The following ADAM8 variants were observed in gnomAD, a reference collection of about 807,000 sequenced individuals.
ADAM8 encodes disintegrin and metalloproteinase domain-containing protein 8.
A neutral mutation model predicts 102.4 loss-of-function variants in ADAM8; 104 were observed. That is an observed-to-expected ratio of 1.02 (90% CI 0.87 to 1.20). ADAM8 has a LOEUF of 1.20. Ranked by LOEUF, ADAM8 falls within the 50% of genes most tolerant of loss-of-function variation. ADAM8 has a pLI of 0.00. For synonymous variants in ADAM8, 517 were observed against 485.2 expected, an observed-to-expected ratio of 1.07 and a Z score of -0.86; for missense variants, 1,132 against 1,159.0, an observed-to-expected ratio of 0.98 and a Z score of 0.34.
Position 133,274,193 on chromosome 10 carries a change from C to T in ADAM8, c.193G>A (p.Gly65Arg). 1 of 1,588,558 alleles carries T rather than the reference C, an allele frequency of 6.3e-7. No homozygotes were observed. Among genetic ancestry groups the T allele is most frequent in the Non-Finnish European group, 8.6e-7 (1 of 1,166,968 alleles). ...CGCAGGTGGAGGGTGAAGTTGTGCCCTGTGGCCCCAAGGACGTAGCTCACC... is the reference window on the plus strand; with the variant it reads ...CGCAGGTGGAGGGTGAAGTTGTGCCTTGTGGCCCCAAGGACGTAGCTCACC... ...ERVSYVLGAT[G>R]HNFTLHLRKN... The change falls in exon 3 of 23, where the codon GGG (glycine) becomes AGG (arginine). Residue 65 changes from glycine to arginine, a missense_variant. By Grantham distance (125) the Gly-to-Arg change is moderately radical. Coordinates refer to ENST00000445355, the MANE Select transcript of ADAM8 (RefSeq NM_001109.5).
chr10:133,270,558 G>A, intron 15 of ADAM8, 48 bp from the exon 16 acceptor site: 3 of 1,562,940 alleles, frequency 1.9e-6, no homozygotes, highest in Non-Finnish European at 2.6e-6. Flanking sequence ...GGAGCATGCT[G>A]GGGAGCCCAG....
At chr10:133,269,151 C>T in intron 18 of ADAM8, 1 of 985,428 alleles carries the variant, frequency 1.0e-6, no homozygotes, top group Non-Finnish European at 1.2e-6. Context: ...GCTGGGTGGC[C>T]TCAGGGCCCC....
In ADAM8 at chr10:133,271,793, C is replaced by T; in HGVS notation, c.1106+13G>A. On this transcript the variant is annotated intron_variant, in intron 11 of 22. Coordinates refer to ENST00000445355, the MANE Select transcript of ADAM8 (RefSeq NM_001109.5). ...CCAGCATACCCTGGCTCTGCAGGGC[C>T]TGGCCGCCTCACCCAATGCTGCCCG... 6.2e-7 allele frequency: 1 copy of T among 1,605,556 alleles called. No homozygotes were observed.
Position 133,268,749 on chromosome 10 carries a change from T to A in ADAM8, c.2062A>T (p.Arg688Trp). The change falls in exon 19 of 23, where the codon AGG becomes TGG. Residue 688 changes from arginine to tryptophan, a missense_variant and splice_region_variant. Arg to Trp is a moderately radical substitution (Grantham distance 101, BLOSUM62 -3). Coordinates refer to ENST00000445355, the MANE Select transcript of ADAM8 (RefSeq NM_001109.5). ...CGTCACAGCCCCCACCACCCTCACC[T>A]GCTCAGGATGCGGCTCCGGGCTTTG... is the stretch of plus-strand genomic sequence containing the variant. ...YRKARSRILS[R>W]NVAPKTTMGR... The A allele has an allele frequency of 6.2e-7, 1 of 1,609,462 alleles. No individual in the cohort carries two copies. Among genetic ancestry groups the A allele is most frequent in the Non-Finnish European group, 8.5e-7 (1 of 1,179,512 alleles).
chr10:133,270,546 T>C (rs765640044), intron 15 of ADAM8, 36 bp from the exon 16 acceptor site: 12 of 1,569,562 alleles, frequency 7.6e-6, no homozygotes, highest in Non-Finnish European at 1.0e-5. Context: ...CCAGCTTGCC[T>C]GGGAGCATGC....
chr10:133,269,533 C>A lies in ADAM8; in HGVS notation c.1864-4G>T. 2 of 1,591,908 alleles carry A rather than the reference C, an allele frequency of 1.3e-6. No homozygotes were observed. The highest frequency in any genetic ancestry group is 1.7e-6 in the Non-Finnish European group (2 of 1,175,128). On this transcript the variant is annotated splice_region_variant and splice_polypyrimidine_tract_variant and intron_variant, in intron 17 of 22. Coordinates refer to ENST00000445355, the MANE Select transcript of ADAM8 (RefSeq NM_001109.5). ...ACTCCTGCTTGTGGTTGCACACCTG[C>A]GGGGACGGCTGGGCTCAGGGCCAAC... is the stretch of plus-strand genomic sequence containing the variant.
rs147537421 is a variant in ADAM8 at position 133,272,829 on chromosome 10, C to T, written c.674G>A (p.Arg225Gln). 23 of 1,611,302 alleles carry T rather than the reference C, an allele frequency of 1.4e-5. No homozygotes were observed. Among genetic ancestry groups the T allele is most frequent in the East Asian group, 4.5e-5 (2 of 44,834 alleles). Residue 225 changes from arginine to glutamine, a missense_variant, in exon 8 of 23, where the codon CGG (arginine) becomes CAG (glutamine). By Grantham distance (43) the Arg-to-Gln change is conservative (BLOSUM62 1). Transcript: ENST00000445355. ...MLGSEAAVRH[R>Q]VLEVVNHVDK... ...CACGTGATTCACCACCTCCAGCACC[C>T]GATGACGCACGGCTGCTTCGCTCCC...
chr10:133,275,622 G>C (rs760813522), intron 1 of ADAM8, 35 bp from the exon 2 acceptor site: 10 of 1,229,078 alleles, frequency 8.1e-6, no homozygotes, highest in Admixed American at 7.1e-5. Flanking sequence ...ATGAGGGGCC[G>C]GGGGGCAGGT....
intron 21 of ADAM8, among the ~76,000 whole-genome samples, chr10:133,264,521 C>T (rs550005582): frequency 4.7e-4 from 71 of 152,348 alleles, no homozygotes; most frequent in African/African-American, 1.3e-3. Context: ...CTGTGTCACA[C>T]GGAGCCTGGG....
intron 18 of ADAM8, 109 bp downstream of exon 18, chr10:133,269,336 G>A (rs1294311109): frequency 1.5e-6 from 2 of 1,295,750 alleles, no homozygotes; most frequent in African/African-American, 3.0e-5. Flanking sequence ...GCAGCAAACT[G>A]GCACCGTGAA....
At chr10:133,275,090 G>C (rs910666321) in intron 2 of ADAM8, 8 of 295,056 alleles carry the variant, frequency 2.7e-5, no homozygotes, top group Admixed American at 1.7e-4. Context: ...TCGGGGAGGG[G>C]GGCATTCTCA....
intron 21 of ADAM8, 107 bp from the exon 22 acceptor site, chr10:133,263,872 C>A: frequency 9.7e-7 from 1 of 1,033,972 alleles, no homozygotes; most frequent in Non-Finnish European, 1.3e-6. Flanking sequence ...AGACCTCGCT[C>A]TGCCCCCCAG....
At chr10:133,274,514 G>A (rs1470263957) in intron 2 of ADAM8, among the ~76,000 whole-genome samples, 1 of 139,242 alleles carries the variant, frequency 7.2e-6, no homozygotes, top group African/African-American at 2.7e-5. Flanking sequence ...GGGGGGTGGA[G>A]GGTGGAGGGT....
At position 133,271,691 on chromosome 10, in the gene ADAM8, C is replaced by G. The variant is rs1270883682; in HGVS notation, c.1121G>C (p.Arg374Thr). 4 of 1,580,166 alleles carry G rather than the reference C, an allele frequency of 2.5e-6. No homozygotes were observed. The African/African-American group carries it at 4.0e-5, about 16-fold the overall frequency. Residue 374 changes from arginine (R) to threonine (T), a missense_variant, in exon 12 of 23, where the codon AGG becomes ACG. By Grantham distance (71) the Arg-to-Thr change is moderately conservative (BLOSUM62 -1). Coordinates refer to ENST00000445355, the MANE Select transcript of ADAM8 (RefSeq NM_001109.5). ...GGCCTGGCTGCAGTCACTGAACATC[C>G]TGGGGAAACTGGAGCTGGGGAGGCG... The part of the protein sequence containing the change: ...MAGSIGSSFP[R>T]MFSDCSQAYL...
At position 133,271,863 on chromosome 10, in the gene ADAM8, C is replaced by A. The variant is rs1846541033; in HGVS notation, c.1049G>T (p.Gly350Val). 1.2e-6 allele frequency: 2 copies of A among 1,612,524 alleles called. No homozygotes were observed. The highest frequency in any genetic ancestry group is 1.3e-5 in the African/African-American group (1 of 74,930). The change falls in exon 11 of 23, where the codon GGC (glycine) becomes GTC (valine). Residue 350 changes from glycine to valine, a missense_variant. Gly to Val is a moderately radical substitution (Grantham distance 109, BLOSUM62 -3). Coordinates refer to ENST00000445355, the MANE Select transcript of ADAM8 (RefSeq NM_001109.5). ...CTCGAAGCGTTCCTGGCAGCGGCAGCCCTGGACGTTCTCATCATGGTCCAT... is the reference window on the plus strand; with the variant it reads ...CTCGAAGCGTTCCTGGCAGCGGCAGACCTGGACGTTCTCATCATGGTCCAT... Reference protein sequence around the residue: ...LGMDHDENVQGCRCQERFEAG... With the variant: ...LGMDHDENVQVCRCQERFEAG...
At chr10:133,270,646 T>G (rs925620201) in intron 15 of ADAM8, 90 bp downstream of exon 15, 6 of 1,539,640 alleles carry the variant, frequency 3.9e-6, no homozygotes, top group Non-Finnish European at 5.3e-6. Flanking sequence ...CAGACCCTCA[T>G]GGGAGCAGGA....
chr10:133,270,715 C>A, intron 15 of ADAM8, 21 bp downstream of exon 15: 1 of 1,499,624 alleles, frequency 6.7e-7, no homozygotes, highest in Non-Finnish European at 8.9e-7. Context: ...ATGTCCTGGG[C>A]CCAGGGCGGT....
At chr10:133,267,205 C>T in intron 21 of ADAM8, 147 bp downstream of exon 21, 1 of 844,388 alleles carries the variant, frequency 1.2e-6, no homozygotes, top group Non-Finnish European at 1.9e-6. Context: ...TGTCTGATGT[C>T]CTCACGAGGT....
At chr10:133,274,947 C>T (rs1354275337) in intron 2 of ADAM8, 4 of 411,328 alleles carry the variant, frequency 9.7e-6, no homozygotes, top group Non-Finnish European at 2.0e-5. Context: ...GTAGGTTCCC[C>T]GGATGCTGAG....
Sources: allele counts gnomAD v4.1 joint callset (sites outside exome capture counted in the v4.1 genomes callset), GRCh38; gene constraint gnomAD v4.1.1; transcripts MANE v1.5; gene names NCBI Gene and HGNC (gene_info 2026-07-23, HGNC 2026-07-21).